Variants in PDE1A observed in about 807,000 individuals in gnomAD.
The protein encoded by PDE1A is phosphodiesterase 1A, also known as dual specificity calcium/calmodulin-dependent 3',5'-cyclic nucleotide phosphodiesterase 1A.
Under a neutral mutation model 61.7 loss-of-function variants are expected in PDE1A, and 35 were observed. The ratio of observed to expected loss-of-function variants is 0.57; its 90% CI spans 0.43 to 0.75. The LOEUF is 0.75. PDE1A is among the 30% of genes least tolerant of loss of function. The pLI is 0.00. For synonymous variants in PDE1A, 232 were observed against 213.2 expected, an observed-to-expected ratio of 1.09 and a Z score of -0.77; for missense variants, 597 against 630.6, an observed-to-expected ratio of 0.95 and a Z score of 0.57.
chr2:182,452,156 T>C (rs879737611), intron 2 of PDE1A, among the ~76,000 whole-genome samples: 9 of 152,138 alleles, frequency 5.9e-5, no homozygotes, highest in Non-Finnish European at 1.3e-4. Flanking sequence ...AAATCAGTTC[T>C]ATCTTCTGTA....
rs5836829 is a variant in PDE1A, at chr2:182,169,965, T to TACAC, written c.1517-1679_1517-1676dup. On this transcript the variant is annotated intron_variant, in intron 13 of 13. Coordinates refer to ENST00000351439, the Ensembl canonical transcript of PDE1A. Reference sequence around the variant, plus strand: ...TCTCCCTCTCTCTCTTTCTCTTTCATACACACACACACACACACACACTCA... The same window carrying TACAC: ...TCTCCCTCTCTCTCTTTCTCTTTCATACACACACACACACACACACACACACTCA... Among the ~76,000 whole-genome samples the TACAC allele has an allele frequency of 4.0e-3, 591 of 146,030 alleles. 5 individuals are homozygous for TACAC. The highest frequency in any genetic ancestry group is 0.014 in the African/African-American group (547 of 39,688).
intron 1 of PDE1A, among the ~76,000 whole-genome samples, chr2:182,328,400 G>A (rs1294366866): frequency 1.3e-5 from 2 of 152,192 alleles, no homozygotes; most frequent in African/African-American, 2.4e-5. Context: ...GAAATGGAAC[G>A]AGGGCATTGA....
the PDE1A span, among the ~76,000 whole-genome samples, chr2:182,572,514 C>G: frequency 6.6e-6 from 1 of 152,162 alleles, no homozygotes; most frequent in Non-Finnish European, 1.5e-5. Flanking sequence ...CCTATCAGCC[C>G]TGGACTTGCT....
chr2:182,683,155 C>T, the PDE1A span, among the ~76,000 whole-genome samples: 26 of 147,192 alleles, frequency 1.8e-4, no homozygotes, highest in African/African-American at 4.8e-4. Flanking sequence ...TGCAGTGGTG[C>T]GATCTCGGCT....
At position 182,232,902 on chromosome 2, in the gene PDE1A, A is replaced by G. The variant is rs558500012; in HGVS notation, c.417+1530T>C. Among the ~76,000 whole-genome samples the G allele has an allele frequency of 5.9e-5, 9 of 152,320 alleles. No homozygotes were observed. In the East Asian group the frequency reaches 1.5e-3, roughly 26 times the overall value. ...AAACCCTGATGATTTACATTTCTAA[A>G]CTACTGCAGATGCTTGGCTTTTATG... is the stretch of plus-strand genomic sequence containing the variant. On this transcript the variant is annotated intron_variant, in intron 4 of 13. Coordinates refer to ENST00000351439, the Ensembl canonical transcript of PDE1A.
At chr2:182,285,343 C>A (rs747800422) in intron 1 of PDE1A, among the ~76,000 whole-genome samples, 18 of 152,042 alleles carry the variant, frequency 1.2e-4, no homozygotes, top group Non-Finnish European at 1.5e-5. Context: ...ATTTCCCTTT[C>A]TTCCCTCCCT....
the PDE1A span, among the ~76,000 whole-genome samples, chr2:182,626,744 T>C: frequency 0.42 from 18,878 of 45,278 alleles, 6,207 homozygotes; most frequent in East Asian, 0.62. Flanking sequence ...TATACATATA[T>C]ATACATATAT....
At chr2:182,339,577 T>C (rs1460136826) in intron 1 of PDE1A, among the ~76,000 whole-genome samples, 1 of 152,200 alleles carries the variant, frequency 6.6e-6, no homozygotes, top group Admixed American at 6.5e-5. Context: ...TGTGTTAAAA[T>C]GCTCACATAA....
At position 182,157,998 on chromosome 2, in the gene PDE1A, A is replaced by G. The variant is rs549247607; in HGVS notation, c.1517-10846T>C. On this transcript the variant is annotated intron_variant, in intron 13 of 13. Coordinates refer to the PDE1A transcript ENST00000409365. ...GGGTGAGAAAGTCTCTTGGCTTCTT[A>G]CAAAAGTCTTTCCACGTTATTTCTT... is the stretch of plus-strand genomic sequence containing the variant. Among the ~76,000 whole-genome samples, 154 of 152,320 alleles carry G rather than the reference A, an allele frequency of 1.0e-3. 6 individuals are homozygous for G. The South Asian group carries it at 0.03, about 30-fold the overall frequency.
chr2:182,365,029 T>C (rs1017002299), intron 1 of PDE1A, among the ~76,000 whole-genome samples: 4 of 152,034 alleles, frequency 2.6e-5, no homozygotes, highest in Non-Finnish European at 4.4e-5. Context: ...AGTTTTTCCA[T>C]TGGTTCTTAA....
chr2:182,377,769 C>T (rs1205675182), intron 1 of PDE1A, among the ~76,000 whole-genome samples: 2 of 151,896 alleles, frequency 1.3e-5, no homozygotes, highest in Non-Finnish European at 2.9e-5. Context: ...ACAATCCCAA[C>T]ATGAAAATAA....
chr2:182,221,288 A>T (rs1398792343), intron 7 of PDE1A, among the ~76,000 whole-genome samples: 1 of 152,076 alleles, frequency 6.6e-6, no homozygotes, highest in Non-Finnish European at 1.5e-5. Context: ...GGCAACTGGC[A>T]TTCACTGATA....
At chr2:182,251,733 C>T (rs1458054075) in intron 2 of PDE1A, among the ~76,000 whole-genome samples, 1 of 152,190 alleles carries the variant, frequency 6.6e-6, no homozygotes, top group South Asian at 2.1e-4. Context: ...TCCTTATGCA[C>T]ATTATTTCAC....
chr2:182,708,459 T>C, the PDE1A span, among the ~76,000 whole-genome samples: 1 of 152,230 alleles, frequency 6.6e-6, no homozygotes, highest in African/African-American at 2.4e-5. Flanking sequence ...AGATCTACAC[T>C]GCCTGTATTA....
At chr2:182,679,903 G>A in the PDE1A span, among the ~76,000 whole-genome samples, 1 of 152,232 alleles carries the variant, frequency 6.6e-6, no homozygotes, top group Non-Finnish European at 1.5e-5. Context: ...TGGTGGGTAG[G>A]GGGAAGATGG....
the PDE1A span, among the ~76,000 whole-genome samples, chr2:182,657,483 T>C: frequency 6.6e-6 from 1 of 152,152 alleles, no homozygotes. Context: ...CTTAGCAAAA[T>C]CCTAAGTGGG....
chr2:182,343,386 T>C (rs1403492897), intron 1 of PDE1A, among the ~76,000 whole-genome samples: 5 of 152,186 alleles, frequency 3.3e-5, no homozygotes, highest in Non-Finnish European at 7.3e-5. Flanking sequence ...TCACAGTACA[T>C]ATACATAATT....
chr2:182,656,946 C>T, the PDE1A span, among the ~76,000 whole-genome samples: 1 of 152,220 alleles, frequency 6.6e-6, no homozygotes, highest in South Asian at 2.1e-4. Context: ...CACAACTGGC[C>T]AGGTGCGGTG....
the PDE1A span, among the ~76,000 whole-genome samples, chr2:182,685,970 T>C: frequency 9.8e-5 from 15 of 152,318 alleles, no homozygotes; most frequent in African/African-American, 3.6e-4. Context: ...TCATATATCA[T>C]ATAATGATTC....
Sources: allele counts gnomAD v4.1 joint callset (sites outside exome capture counted in the v4.1 genomes callset), GRCh38; gene constraint gnomAD v4.1.1; transcripts MANE v1.5; gene names NCBI Gene and HGNC (gene_info 2026-07-23, HGNC 2026-07-21).